FHIT: variants seen among roughly 807,000 people sequenced by gnomAD.
The protein encoded by FHIT is fragile histidine triad diadenosine triphosphatase.
In FHIT, 19 loss-of-function variants were observed where a neutral mutation model predicts 17.9. The ratio of observed to expected loss-of-function variants is 1.06; its 90% CI spans 0.74 to 1.56. The LOEUF is 1.56. Among genes scored for constraint, FHIT ranks in the 40% most tolerant of loss-of-function variants. FHIT has a pLI of 0.00. For missense variants in FHIT, 248 were observed against 189.2 expected (o/e 1.31, Z -1.82); for synonymous variants, 81 against 69.7 (o/e 1.16, Z -0.81).
intron 5 of FHIT, among the ~76,000 whole-genome samples, chr3:60,147,491 G>A (rs561339883): frequency 6.6e-6 from 1 of 152,216 alleles, no homozygotes; most frequent in South Asian, 2.1e-4. Flanking sequence ...CGCCACCGTG[G>A]GTGTCATAAT....
chr3:60,436,205 A>G (rs1436332681), intron 5 of FHIT, among the ~76,000 whole-genome samples: 1 of 151,814 alleles, frequency 6.6e-6, no homozygotes, highest in African/African-American at 2.4e-5. Context: ...GCGCCACCAC[A>G]TCCAGCTAAT....
intron 4 of FHIT, among the ~76,000 whole-genome samples, chr3:60,757,126 A>T (rs1553718492): frequency 6.6e-6 from 1 of 152,232 alleles, no homozygotes; most frequent in East Asian, 1.9e-4. Context: ...TATATTTGAG[A>T]TCTCCCAAAT....
intron 5 of FHIT, among the ~76,000 whole-genome samples, chr3:60,342,920 C>T (rs1710599067): frequency 6.6e-6 from 1 of 152,114 alleles, no homozygotes; most frequent in South Asian, 2.1e-4. Flanking sequence ...TAATCCACAG[C>T]TAATTTTGGC....
chr3:60,512,761 A>T (rs2034998497), intron 5 of FHIT, among the ~76,000 whole-genome samples: 1 of 152,180 alleles, frequency 6.6e-6, no homozygotes, highest in African/African-American at 2.4e-5. Context: ...GGAGAAAACA[A>T]TGAGATGGAT....
chr3:60,261,220 C>T (rs762709488), intron 5 of FHIT, among the ~76,000 whole-genome samples: 3 of 152,048 alleles, frequency 2.0e-5, no homozygotes, highest in Admixed American at 6.6e-5. Flanking sequence ...TTTGGACTCA[C>T]TCTGAATTCT....
intron 3 of FHIT, among the ~76,000 whole-genome samples, chr3:60,981,287 C>G (rs1052065387): frequency 1.4e-5 from 2 of 145,194 alleles, no homozygotes; most frequent in Non-Finnish European, 3.0e-5. Context: ...TCTCCCCTTT[C>G]TTCCTTCCTT....
chr3:61,134,011 C>G (rs933536481), intron 2 of FHIT, among the ~76,000 whole-genome samples: 2 of 151,900 alleles, frequency 1.3e-5, no homozygotes, highest in African/African-American at 4.8e-5. Context: ...TTGCTTTGAA[C>G]TCGGGAGGCG....
intron 8 of FHIT, among the ~76,000 whole-genome samples, chr3:59,815,576 G>A (rs1181685598): frequency 6.6e-6 from 1 of 152,118 alleles, no homozygotes; most frequent in Admixed American, 6.6e-5. Flanking sequence ...ATGAATTAAT[G>A]GCATTCGCAG....
intron 2 of FHIT, among the ~76,000 whole-genome samples, chr3:61,174,480 T>C (rs879433271): frequency 6.6e-6 from 1 of 152,250 alleles, no homozygotes; most frequent in East Asian, 1.9e-4. Context: ...TCTGTATGGT[T>C]CATCTGCGTT....
chr3:61,000,358 G>A (rs538051400), intron 3 of FHIT, among the ~76,000 whole-genome samples: 1 of 152,290 alleles, frequency 6.6e-6, no homozygotes, highest in South Asian at 2.1e-4. Flanking sequence ...TCACCTTTAA[G>A]CTTTTAATCT....
intron 2 of FHIT, among the ~76,000 whole-genome samples, chr3:61,167,628 C>CAAAA (rs34229498): frequency 4.0e-5 from 4 of 98,828 alleles, no homozygotes; most frequent in African/African-American, 7.4e-5. Context: ...AACTGTGTCT[C>CAAAA]AAAAAAAAAA....
rs370352656 is a variant in FHIT at position 61,242,881 on chromosome 3, A to G, written c.-213+8420T>C. The stretch of plus-strand genomic sequence containing the variant: ...TGATCCATCTAGTGCAAGGTTGGAA[A>G]AATATCTCCAGCACCAACCTTAGGT... On this transcript the variant is annotated intron_variant, in intron 1 of 9. Transcript: ENST00000492590. Among the ~76,000 whole-genome samples, 8 of 152,314 alleles carry G rather than the reference A, an allele frequency of 5.3e-5. No individual in the cohort carries two copies. In the East Asian group the frequency reaches 1.4e-3, roughly 26 times the overall value.
intron 5 of FHIT, among the ~76,000 whole-genome samples, chr3:60,040,025 G>A (rs1337669873): frequency 1.3e-5 from 2 of 152,158 alleles, no homozygotes; most frequent in East Asian, 1.9e-4. Flanking sequence ...TGAGCCAAAT[G>A]CCTACAATAA....
intron 5 of FHIT, among the ~76,000 whole-genome samples, chr3:60,135,594 T>C (rs9826272): frequency 0.16 from 24,086 of 151,984 alleles, 3,171 homozygotes; most frequent in African/African-American, 0.36. Flanking sequence ...CTACATGAAG[T>C]AACCCGACTG....
intron 7 of FHIT, among the ~76,000 whole-genome samples, chr3:59,957,700 T>A (rs1303958425): frequency 6.6e-6 from 1 of 152,192 alleles, no homozygotes; most frequent in African/African-American, 2.4e-5. Flanking sequence ...TTTTCACCTG[T>A]AATACTGAAG....
At chr3:60,998,153 T>TGAA (rs1157722963) in intron 3 of FHIT, among the ~76,000 whole-genome samples, 2 of 152,156 alleles carry the variant, frequency 1.3e-5, no homozygotes. Flanking sequence ...TTAACACCTA[T>TGAA]GAAGACACTA....
intron 2 of FHIT, among the ~76,000 whole-genome samples, chr3:61,050,831 C>A (rs11130813): frequency 6.6e-6 from 1 of 152,046 alleles, no homozygotes; most frequent in South Asian, 2.1e-4. Context: ...TTGGACCAGC[C>A]CTTTCACTTC....
intron 4 of FHIT, among the ~76,000 whole-genome samples, chr3:60,672,850 G>T (rs898951860): frequency 8.2e-6 from 1 of 121,906 alleles, no homozygotes; most frequent in South Asian, 2.7e-4. Flanking sequence ...CACTATTAGG[G>T]TTTTTAATTA....
intron 4 of FHIT, among the ~76,000 whole-genome samples, chr3:60,618,420 T>C (rs1448519515): frequency 2.0e-5 from 3 of 152,110 alleles, no homozygotes; most frequent in Non-Finnish European, 4.4e-5. Context: ...TACTCTTCCT[T>C]ATGCTCTCCC....
Sources: allele counts gnomAD v4.1 joint callset (sites outside exome capture counted in the v4.1 genomes callset), GRCh38; gene constraint gnomAD v4.1.1; transcripts MANE v1.5; gene names NCBI Gene and HGNC (gene_info 2026-07-23, HGNC 2026-07-21).